KAZN: variants seen among roughly 807,000 people sequenced by gnomAD.
KAZN encodes kazrin.
KAZN carries 40 observed loss-of-function variants against 87.4 expected under a neutral mutation model. That is an observed-to-expected ratio of 0.46 (90% CI 0.36 to 0.60). The LOEUF (loss-of-function observed/expected upper bound fraction) is 0.60. KAZN is among the 20% of genes least tolerant of loss of function. The pLI is 0.00. For missense variants in KAZN, 898 were observed against 1,073.9 expected, an observed-to-expected ratio of 0.84 and a Z score of 2.29; for synonymous variants, 466 against 458.3, an observed-to-expected ratio of 1.02 and a Z score of -0.22.
chr1:14,864,047 T>A (rs947582870), intron 1 of KAZN, among the ~76,000 whole-genome samples: 5 of 152,008 alleles, frequency 3.3e-5, no homozygotes, highest in Admixed American at 2.6e-4. Flanking sequence ...CAGGCATGGG[T>A]CAAAACAGAA....
chr1:14,626,868 C>CA (rs1679181110), intron 1 of KAZN, among the ~76,000 whole-genome samples: 2 of 152,106 alleles, frequency 1.3e-5, no homozygotes, highest in South Asian at 2.1e-4. Flanking sequence ...GCTTTTCATG[C>CA]AAAAAAACAT....
intron 1 of KAZN, among the ~76,000 whole-genome samples, chr1:13,977,101 G>C (rs1638400578): frequency 6.6e-6 from 1 of 152,222 alleles, no homozygotes; most frequent in South Asian, 2.1e-4. Flanking sequence ...GTGAGGATCA[G>C]AGAGGAGGTA....
chr1:15,105,509 T>C (rs1188666509), intron 13 of KAZN, among the ~76,000 whole-genome samples: 1 of 152,252 alleles, frequency 6.6e-6, no homozygotes, highest in Non-Finnish European at 1.5e-5. Flanking sequence ...GGTAGTCATA[T>C]TCTCTCACTC....
At chr1:14,117,967 C>T (rs1410162143) in intron 1 of KAZN, among the ~76,000 whole-genome samples, 2 of 152,154 alleles carry the variant, frequency 1.3e-5, no homozygotes, top group Non-Finnish European at 2.9e-5. Context: ...AAAGGTTTCC[C>T]ACATGTGAGC....
intron 1 of KAZN, among the ~76,000 whole-genome samples, chr1:14,794,978 C>T (rs761591086): frequency 6.6e-6 from 1 of 152,194 alleles, no homozygotes; most frequent in African/African-American, 2.4e-5. Flanking sequence ...TGTCCTCAAA[C>T]ATCAGACTCC....
intron 2 of KAZN, among the ~76,000 whole-genome samples, chr1:14,971,120 G>A (rs1161652503): frequency 1.3e-5 from 2 of 152,088 alleles, no homozygotes; most frequent in Non-Finnish European, 2.9e-5. Flanking sequence ...TCTTCTGGCC[G>A]GATGCAATGG....
chr1:14,043,605 A>G (rs923533227), intron 1 of KAZN, among the ~76,000 whole-genome samples: 7 of 101,686 alleles, frequency 6.9e-5, no homozygotes, highest in African/African-American at 3.6e-4. Context: ...AACACTTGTT[A>G]TTTTCTGTTT....
intron 2 of KAZN, among the ~76,000 whole-genome samples, chr1:14,399,510 T>G (rs1663202277): frequency 6.6e-6 from 1 of 150,756 alleles, no homozygotes; most frequent in Non-Finnish European, 1.5e-5. Context: ...TAGGACTCTC[T>G]CAGTAACAGG....
chr1:14,177,211 T>C (rs1011475686), intron 1 of KAZN, among the ~76,000 whole-genome samples: 12 of 152,184 alleles, frequency 7.9e-5, no homozygotes, highest in African/African-American at 2.9e-4. Context: ...TGTGCTGTTA[T>C]TGTCATATAT....
intron 3 of KAZN, among the ~76,000 whole-genome samples, chr1:15,035,511 C>T (rs1672173988): frequency 6.6e-6 from 1 of 152,124 alleles, no homozygotes; most frequent in South Asian, 2.1e-4. Context: ...TCTCTGGTAT[C>T]TGTGGTATGA....
intron 2 of KAZN, among the ~76,000 whole-genome samples, chr1:14,548,246 T>C (rs1233788041): frequency 1.3e-5 from 2 of 150,114 alleles, no homozygotes; most frequent in East Asian, 4.0e-4. Context: ...TCCCCCAGAC[T>C]GGAGTGCAGT....
intron 2 of KAZN, among the ~76,000 whole-genome samples, chr1:14,970,282 C>T (rs757052403): frequency 6.6e-6 from 1 of 152,188 alleles, no homozygotes; most frequent in African/African-American, 2.4e-5. Flanking sequence ...TCTCTTGTGT[C>T]GTGCTTGCTG....
intron 1 of KAZN, among the ~76,000 whole-genome samples, chr1:14,674,953 T>TTTTTA (rs70997169): frequency 0.47 from 70,488 of 151,254 alleles, 16,577 homozygotes; most frequent in South Asian, 0.53. Context: ...CACCCAGCTA[T>TTTTTA]TTTTATTTTA....
intron 1 of KAZN, among the ~76,000 whole-genome samples, chr1:14,699,300 G>A (rs1262781438): frequency 2.0e-5 from 3 of 152,248 alleles, no homozygotes; most frequent in Non-Finnish European, 4.4e-5. Flanking sequence ...GAATGCTCTT[G>A]GACTCCATGC....
chr1:13,915,768 C>G (rs1639829689), intron 1 of KAZN, among the ~76,000 whole-genome samples: 1 of 152,230 alleles, frequency 6.6e-6, no homozygotes. Context: ...TGAGCCTGGA[C>G]TCAGCTCCAC....
rs373550206 is a variant in KAZN at position 14,960,735 on chromosome 1, G to A, written c.278G>A (p.Arg93Gln). 3.6e-5 allele frequency: 58 copies of A among 1,590,392 alleles called. No individual in the cohort carries two copies. The African/African-American group carries it at 5.1e-4, about 14-fold the overall frequency. ...SRLQEEVHLL[R>Q]QMKEMLAKDL... ...CTCCAGGAGGAAGTTCACCTTCTCC[G>A]GCAGATGAAGGAGATGTTGGCGAAG... The change falls in exon 2 of 15, where the codon CGG (arginine) becomes CAG (glutamine). Residue 93 changes from arginine to glutamine, a missense_variant. Arg to Gln is a conservative substitution (Grantham distance 43). Around this residue, in one of 3 missense-constraint regions of KAZN, gnomAD observed 250 missense variants for 263.0 expected, o/e 0.95. Transcript: ENST00000376030.
At chr1:15,020,531 T>TA (rs1027571281) in intron 2 of KAZN, among the ~76,000 whole-genome samples, 2 of 152,200 alleles carry the variant, frequency 1.3e-5, no homozygotes, top group African/African-American at 4.8e-5. Flanking sequence ...TTACAGTATA[T>TA]ACTCATCTGT....
intron 2 of KAZN, among the ~76,000 whole-genome samples, chr1:14,252,299 T>G (rs2100617268): frequency 6.6e-6 from 1 of 152,322 alleles, no homozygotes; most frequent in South Asian, 2.1e-4. Context: ...ATGGATAAAC[T>G]TGGAGTTCAC....
At chr1:15,092,073 A>AT (rs58871336) in intron 8 of KAZN, among the ~76,000 whole-genome samples, 3,599 of 75,446 alleles carry the variant, frequency 0.048, 178 homozygotes, top group African/African-American at 0.11. Context: ...TTTTTTTTTG[A>AT]TTTTTTTTTT....
Sources: gnomAD v4.1 joint callset for allele counts (sites outside exome capture counted in the v4.1 genomes callset) on GRCh38, gnomAD v4.1.1 for gene constraint, gnomAD v4.1.1 regional missense constraint, MANE v1.5 for transcripts, NCBI Gene and HGNC (gene_info 2026-07-23, HGNC 2026-07-21) for gene names.